The following EPB41L4A variants were observed in gnomAD, a reference collection of about 807,000 sequenced individuals.
EPB41L4A encodes the protein erythrocyte membrane protein band 4.1 like 4A.
EPB41L4A carries 100 observed loss-of-function variants against 108.6 expected under a neutral mutation model. The observed-to-expected ratio is 0.92, with a 90% CI of 0.78 to 1.09. The LOEUF is 1.09. EPB41L4A is among the 50% of genes least tolerant of loss of function. The probability of loss-of-function intolerance (pLI) is 0.00; values close to 1 mark genes in which losing one functional copy is unlikely to be tolerated. For missense variants in EPB41L4A, 1,030 were observed against 842.7 expected (o/e 1.22, Z -2.75); for synonymous variants, 319 against 289.0 (o/e 1.10, Z -1.05).
intron 1 of EPB41L4A, among the ~76,000 whole-genome samples, chr5:112,339,927 C>A (rs1173937641): frequency 6.6e-6 from 1 of 152,134 alleles, no homozygotes; most frequent in Non-Finnish European, 1.5e-5. Flanking sequence ...AAATATCACT[C>A]TCTGGGCTCA....
intron 3 of EPB41L4A, 29 bp downstream of exon 3, chr5:112,280,243 C>T (rs750426274): frequency 5.6e-6 from 9 of 1,606,970 alleles, no homozygotes; most frequent in South Asian, 1.1e-5. Context: ...TCAAGCCACC[C>T]TTTAACAAAG....
intron 18 of EPB41L4A, among the ~76,000 whole-genome samples, chr5:112,179,042 C>T (rs1761016456): frequency 6.6e-6 from 1 of 151,918 alleles, no homozygotes; most frequent in Non-Finnish European, 1.5e-5. Context: ...CAACAGATTT[C>T]ACAGATGTTA....
rs372444451 is a variant in EPB41L4A, at chr5:112,341,163, C to A, written c.100-33673G>T. Among the ~76,000 whole-genome samples, 3 of 152,204 alleles carry A rather than the reference C, an allele frequency of 2.0e-5. No homozygotes were observed. In the East Asian group the frequency reaches 5.8e-4, roughly 29 times the overall value. ...CTCCTTCCCATGAGAATGAAAGCTT[C>A]ATGGGAACAGGGACTTTTCAGTTCA... On this transcript the variant is annotated intron_variant, in intron 1 of 22. Transcript: ENST00000261486.
intron 12 of EPB41L4A, among the ~76,000 whole-genome samples, chr5:112,223,960 TTTTTC>T (rs1236502825): frequency 2.0e-5 from 3 of 152,194 alleles, no homozygotes; most frequent in African/African-American, 7.2e-5. Flanking sequence ...ACTTTAGGCT[TTTTTC>T]TTTTGAGACG....
At chr5:112,332,776 T>C (rs186964093) in intron 1 of EPB41L4A, among the ~76,000 whole-genome samples, 5 of 152,368 alleles carry the variant, frequency 3.3e-5, no homozygotes, top group African/African-American at 1.2e-4. Flanking sequence ...AGTTTGGCTT[T>C]TTAAAAACTC....
intron 1 of EPB41L4A, among the ~76,000 whole-genome samples, chr5:112,394,230 T>C (rs1230537165): frequency 6.6e-6 from 1 of 152,186 alleles, no homozygotes; most frequent in Non-Finnish European, 1.5e-5. Context: ...GTGTTGAAAG[T>C]TCTGGCCAGT....
At chr5:112,408,393 G>C (rs1427696354) in intron 1 of EPB41L4A, among the ~76,000 whole-genome samples, 6 of 151,898 alleles carry the variant, frequency 4.0e-5, no homozygotes, top group African/African-American at 1.5e-4. Context: ...GGGTATATAA[G>C]GAACCCTTCA....
At chr5:112,222,851 C>G (rs757164719) in intron 12 of EPB41L4A, among the ~76,000 whole-genome samples, 1 of 152,140 alleles carries the variant, frequency 6.6e-6, no homozygotes, top group Non-Finnish European at 1.5e-5. Context: ...GAGGGCTCTT[C>G]CTCCACCCCT....
chr5:112,208,733 A>G (rs185468918), intron 13 of EPB41L4A, among the ~76,000 whole-genome samples: 56 of 152,326 alleles, frequency 3.7e-4, no homozygotes, highest in Admixed American at 3.4e-3. Context: ...ATAAAAGTTG[A>G]AAAAATAAAT....
intron 1 of EPB41L4A, among the ~76,000 whole-genome samples, chr5:112,414,790 T>G (rs531573592): frequency 2.0e-5 from 3 of 152,350 alleles, no homozygotes; most frequent in East Asian, 3.9e-4. Flanking sequence ...ATTGAGGGGC[T>G]ATTTATACAC....
At chr5:112,391,258 G>A (rs1021939168) in intron 1 of EPB41L4A, among the ~76,000 whole-genome samples, 1 of 152,072 alleles carries the variant, frequency 6.6e-6, no homozygotes, top group Non-Finnish European at 1.5e-5. Context: ...TCAGAAGGCT[G>A]GTAATAACAA....
chr5:112,176,743 C>CTTTTTTT (rs59150913), intron 18 of EPB41L4A, among the ~76,000 whole-genome samples: 1 of 65,848 alleles, frequency 1.5e-5, no homozygotes, highest in Non-Finnish European at 2.7e-5. Context: ...ACCAGAGCAA[C>CTTTTTTT]TTTTTTTTTT....
chr5:112,184,902 A>C (rs539259583), intron 17 of EPB41L4A, among the ~76,000 whole-genome samples: 2 of 152,352 alleles, frequency 1.3e-5, no homozygotes, highest in Admixed American at 1.3e-4. Flanking sequence ...CTAATTTTTA[A>C]GTCTTGCAAC....
At chr5:112,381,030 G>A (rs977569026) in intron 1 of EPB41L4A, among the ~76,000 whole-genome samples, 6 of 152,128 alleles carry the variant, frequency 3.9e-5, no homozygotes, top group Non-Finnish European at 8.8e-5. Flanking sequence ...TTTCAGAAAG[G>A]CACCTTCTGG....
chr5:112,337,386 A>G, intron 1 of EPB41L4A, among the ~76,000 whole-genome samples: 1 of 152,130 alleles, frequency 6.6e-6, no homozygotes, highest in Non-Finnish European at 1.5e-5. Flanking sequence ...TATATCAACC[A>G]CCGTGTTAAG....
intron 1 of EPB41L4A, among the ~76,000 whole-genome samples, chr5:112,310,259 A>G (rs1754963865): frequency 6.6e-6 from 1 of 152,188 alleles, no homozygotes; most frequent in South Asian, 2.1e-4. Context: ...AAAGCCAACT[A>G]ATATTCCCTA....
At chr5:112,413,796 T>C (rs201315602) in intron 1 of EPB41L4A, among the ~76,000 whole-genome samples, 25 of 152,248 alleles carry the variant, frequency 1.6e-4, no homozygotes, top group East Asian at 1.2e-3. Flanking sequence ...TCTGGAATAT[T>C]TGGGAAACCG....
chr5:112,402,162 A>G (rs1339069808), intron 1 of EPB41L4A, among the ~76,000 whole-genome samples: 2 of 152,090 alleles, frequency 1.3e-5, no homozygotes, highest in African/African-American at 4.8e-5. Flanking sequence ...TTCTCATGAT[A>G]GTGAGTGAGT....
intron 1 of EPB41L4A, among the ~76,000 whole-genome samples, chr5:112,378,086 T>C (rs987402063): frequency 6.6e-6 from 1 of 152,228 alleles, no homozygotes; most frequent in African/African-American, 2.4e-5. Context: ...TAAGGATTCA[T>C]GTTTCCATCT....
Sources: allele counts gnomAD v4.1 joint callset (sites outside exome capture counted in the v4.1 genomes callset), GRCh38; gene constraint gnomAD v4.1.1; transcripts MANE v1.5; gene names NCBI Gene and HGNC (gene_info 2026-07-23, HGNC 2026-07-21).